Variants in C12orf54 observed in about 807,000 individuals in gnomAD.
C12orf54 encodes the protein chromosome 12 open reading frame 54, also known as uncharacterized protein C12orf54.
Under a neutral mutation model 26.4 loss-of-function variants are expected in C12orf54, and 24 were observed. The ratio of observed to expected loss-of-function variants is 0.91; its 90% CI spans 0.66 to 1.28. The LOEUF (loss-of-function observed/expected upper bound fraction) is 1.28, where lower values mean the gene tolerates loss of function less well. C12orf54 is among the 50% of genes most tolerant of loss of function. The pLI, the probability that C12orf54 is intolerant of heterozygous loss-of-function variation, is 0.00. For synonymous variants in C12orf54, 54 were observed against 47.0 expected (o/e 1.15, Z -0.61); for missense variants, 154 against 150.9 (o/e 1.02, Z -0.11).
At chr12:48,437,430 C>G in the C12orf54 span, among the ~76,000 whole-genome samples, 3 of 152,082 alleles carry the variant, frequency 2.0e-5, no homozygotes, top group Non-Finnish European at 4.4e-5. Flanking sequence ...ATACCAAAGC[C>G]GGGCAGAGAC....
chr12:48,475,214 G>C, the C12orf54 span, among the ~76,000 whole-genome samples: 3 of 152,038 alleles, frequency 2.0e-5, no homozygotes, highest in African/African-American at 4.8e-5. Flanking sequence ...AACTAACAAA[G>C]AGAAAGGACA....
the C12orf54 span, among the ~76,000 whole-genome samples, chr12:48,462,969 G>A: frequency 6.6e-6 from 1 of 151,764 alleles, no homozygotes; most frequent in Non-Finnish European, 1.5e-5. Flanking sequence ...CTTATTCATA[G>A]ACAACATGAT....
chr12:48,434,225 G>A, the C12orf54 span, among the ~76,000 whole-genome samples: 6 of 152,334 alleles, frequency 3.9e-5, no homozygotes, highest in South Asian at 6.2e-4. Flanking sequence ...AGGGGCGCCC[G>A]CCATTGCCCA....
intron 4 of C12orf54, chr12:48,488,024 C>T (rs1033788582): frequency 1.7e-5 from 16 of 950,580 alleles, no homozygotes; most frequent in Non-Finnish European, 2.6e-5. Flanking sequence ...AGAAGGATGT[C>T]GACATGCCTA....
At chr12:48,492,026 G>A (rs1371017436) in intron 6 of C12orf54, among the ~76,000 whole-genome samples, 2 of 152,100 alleles carry the variant, frequency 1.3e-5, no homozygotes, top group African/African-American at 4.8e-5. Context: ...TCCAAAGTCA[G>A]AATTAAATAA....
chr12:48,486,417 G>C, intron 3 of C12orf54: 3 of 628,810 alleles, frequency 4.8e-6, no homozygotes, highest in Non-Finnish European at 8.4e-6. Context: ...TAAAGGGGCA[G>C]GCAGGCTTAC....
the C12orf54 span, among the ~76,000 whole-genome samples, chr12:48,429,263 A>G: frequency 6.6e-6 from 1 of 152,190 alleles, no homozygotes; most frequent in East Asian, 1.9e-4. Flanking sequence ...GGAACAAGAC[A>G]AGGATGCCCA....
chr12:48,419,089 C>G, the C12orf54 span, among the ~76,000 whole-genome samples: 613 of 152,262 alleles, frequency 4.0e-3, 4 homozygotes, highest in African/African-American at 0.014. Context: ...CCACAGGGAA[C>G]TCAAATTACC....
the C12orf54 span, among the ~76,000 whole-genome samples, chr12:48,421,651 T>G: frequency 1.4e-5 from 2 of 147,204 alleles, no homozygotes; most frequent in Non-Finnish European, 3.0e-5. Context: ...TGCCTCAGAC[T>G]CCCAAGTAGC....
At chr12:48,479,569 G>C (rs962065987), upstream of C12orf54, among the ~76,000 whole-genome samples, 4 of 151,120 alleles carry the variant, frequency 2.6e-5, no homozygotes, top group African/African-American at 4.9e-5. Flanking sequence ...CTAAGTGCTG[G>C]AGGCGTTGCT....
the C12orf54 span, among the ~76,000 whole-genome samples, chr12:48,464,259 A>T: frequency 6.6e-5 from 10 of 152,268 alleles, no homozygotes; most frequent in Non-Finnish European, 1.3e-4. Flanking sequence ...AAAAATCAGT[A>T]GCATTTCTAT....
At chr12:48,483,963 G>C (rs1237407384) in intron 2 of C12orf54, among the ~76,000 whole-genome samples, 1 of 152,232 alleles carries the variant, frequency 6.6e-6, no homozygotes, top group Non-Finnish European at 1.5e-5. Context: ...GGAGGCCAAG[G>C]CGGGCGGATC....
intron 4 of C12orf54, among the ~76,000 whole-genome samples, chr12:48,487,065 A>C (rs1434332587): frequency 6.6e-6 from 1 of 152,220 alleles, no homozygotes; most frequent in Admixed American, 6.5e-5. Context: ...TGTTGGTTTC[A>C]ATTCACAAAC....
the C12orf54 span, among the ~76,000 whole-genome samples, chr12:48,439,503 G>T: frequency 2.6e-5 from 4 of 152,142 alleles, no homozygotes; most frequent in African/African-American, 9.7e-5. Context: ...TAACCCAAAT[G>T]TCCAACAATG....
At chr12:48,415,832 T>A in the C12orf54 span, among the ~76,000 whole-genome samples, 2 of 152,156 alleles carry the variant, frequency 1.3e-5, no homozygotes, top group Non-Finnish European at 2.9e-5. Context: ...CACTCTGATA[T>A]CTAATACAGA....
chr12:48,418,937 A>G, the C12orf54 span, among the ~76,000 whole-genome samples: 2 of 152,190 alleles, frequency 1.3e-5, no homozygotes, highest in East Asian at 3.9e-4. Flanking sequence ...AAAAAAAAAA[A>G]AAGCCTGAAT....
At chr12:48,490,876 G>C in intron 6 of C12orf54, 40 bp downstream of exon 6, 1 of 1,605,074 alleles carries the variant, frequency 6.2e-7, no homozygotes. Flanking sequence ...AAGGAAACAA[G>C]GGAGGGGATT....
At chr12:48,439,025 C>T in the C12orf54 span, among the ~76,000 whole-genome samples, 1 of 152,126 alleles carries the variant, frequency 6.6e-6, no homozygotes. Flanking sequence ...GGGCTGATAT[C>T]CAGAATCTAC....
chr12:48,479,571 G>A (rs1437754168), upstream of C12orf54, among the ~76,000 whole-genome samples: 2 of 151,234 alleles, frequency 1.3e-5, no homozygotes, highest in Non-Finnish European at 2.9e-5. Flanking sequence ...AAGTGCTGGA[G>A]GCGTTGCTAC....
Sources: allele counts gnomAD v4.1 joint callset (sites outside exome capture counted in the v4.1 genomes callset), GRCh38; gene constraint gnomAD v4.1.1; transcripts MANE v1.5; gene names NCBI Gene and HGNC (gene_info 2026-07-23, HGNC 2026-07-21).